The following EEF2K variants were observed in gnomAD, a reference collection of about 807,000 sequenced individuals.
EEF2K encodes alternative protein EEF2K.
In EEF2K, 70 loss-of-function variants were observed where a neutral mutation model predicts 93.8. The observed-to-expected ratio is 0.75, with a 90% CI of 0.62 to 0.91. The LOEUF (loss-of-function observed/expected upper bound fraction) is 0.91. Ranked by LOEUF, EEF2K falls within the 40% of genes least tolerant of loss-of-function variation. The probability of loss-of-function intolerance (pLI) is 0.00; values close to 1 mark genes in which losing one functional copy is unlikely to be tolerated. For synonymous variants in EEF2K, 376 were observed against 380.8 expected, an observed-to-expected ratio of 0.99 and a Z score of 0.15; for missense variants, 935 against 972.9, an observed-to-expected ratio of 0.96 and a Z score of 0.52.
chr16:22,257,509 G>A, intron 8 of EEF2K, 124 bp downstream of exon 8: 2 of 1,545,746 alleles, frequency 1.3e-6, no homozygotes, highest in African/African-American at 1.4e-5. Context: ...TCATGGAGAT[G>A]GGAGCCTGGA....
chr16:22,247,037 C>CAAAAAAAAAAAA (rs57073413), intron 3 of EEF2K, among the ~76,000 whole-genome samples: 3 of 13,700 alleles, frequency 2.2e-4, no homozygotes, highest in Non-Finnish European at 5.0e-4. Context: ...GACTCCATCT[C>CAAAAAAAAAAAA]AAAAAAAAAA....
Position 22,283,972 on chromosome 16 carries a change from G to C in EEF2K, c.2154G>C (p.Glu718Asp), listed in dbSNP as rs1274059104. Residue 718 changes from glutamate to aspartate, a missense_variant, in exon 18 of 18, where the codon GAG (glutamate) becomes GAC (aspartate). Coordinates refer to ENST00000263026, the MANE Select transcript of EEF2K (RefSeq NM_013302.5). Reference sequence around the variant, plus strand: ...ACCAGTACTACCAAAAGGCTGAAGAGGCCTGGGCCCAGATGGAGGAGTAAC... The same window carrying C: ...ACCAGTACTACCAAAAGGCTGAAGACGCCTGGGCCCAGATGGAGGAGTAAC... ...LANQYYQKAE[E>D]AWAQMEE is the part of the protein sequence containing the mutation. 4 of 1,586,880 alleles carry C rather than the reference G, an allele frequency of 2.5e-6. No individual in the cohort carries two copies. The South Asian group carries it at 4.6e-5, about 18-fold the overall frequency.
chr16:22,273,780 G>A, intron 16 of EEF2K, 30 bp downstream of exon 16: 7 of 1,609,286 alleles, frequency 4.3e-6, no homozygotes, highest in South Asian at 2.2e-5. Flanking sequence ...GGAGGAGCTG[G>A]TAGGAACCTG....
intron 9 of EEF2K, 65 bp from the exon 10 acceptor site, chr16:22,258,429 A>G (rs1043099277): frequency 6.4e-7 from 1 of 1,552,706 alleles, no homozygotes; most frequent in African/African-American, 1.4e-5. Flanking sequence ...AGGGAACAAC[A>G]GGAAGAGCCC....
Position 22,282,190 on chromosome 16 carries a change from C to T in EEF2K, c.2069-1697C>T, listed in dbSNP as rs146655570. Among the ~76,000 whole-genome samples the T allele has an allele frequency of 3.3e-5, 5 of 152,180 alleles. No homozygotes were observed. In the East Asian group the frequency reaches 7.7e-4, roughly 23 times the overall value. On this transcript the variant is annotated intron_variant, in intron 17 of 17. Transcript: ENST00000263026. ...TTCAGCCTGGGCAACAGAGTGAGAC[C>T]CTGTCTCAAAAAACAACAAAAAAAA...
intron 6 of EEF2K, among the ~76,000 whole-genome samples, chr16:22,253,017 C>T (rs1467832169): frequency 6.6e-6 from 1 of 152,144 alleles, no homozygotes; most frequent in Admixed American, 6.5e-5. Context: ...GGGACACAGC[C>T]AAACCATATC....
At chr16:22,217,160 C>CAAA (rs59262131) in intron 1 of EEF2K, among the ~76,000 whole-genome samples, 22 of 76,426 alleles carry the variant, frequency 2.9e-4, no homozygotes, top group Non-Finnish European at 5.0e-4. Context: ...GACCCTGTCT[C>CAAA]AAAAAAAAAA....
Position 22,250,774 on chromosome 16 carries a change from C to T in EEF2K, c.446+83C>T, listed in dbSNP as rs143796573. On this transcript the variant is annotated intron_variant, in intron 5 of 17. Coordinates refer to ENST00000263026, the MANE Select transcript of EEF2K (RefSeq NM_013302.5). The stretch of plus-strand genomic sequence containing the variant: ...AGCTGAGGCATTGGGACATTTTCAG[C>T]CAAGGAATGGAGCCAGGGGCCTCTG... 4.6e-3 allele frequency: 7,198 copies of T among 1,577,682 alleles called. 27 individuals are homozygous for T. The highest frequency in any genetic ancestry group is 5.2e-3 in the Non-Finnish European group (6,019 of 1,152,054).
intron 1 of EEF2K, among the ~76,000 whole-genome samples, chr16:22,223,107 A>G (rs2047029989): frequency 6.6e-6 from 1 of 152,114 alleles, no homozygotes; most frequent in African/African-American, 2.4e-5. Context: ...TATACAGAGA[A>G]TTAGTCAATG....
intron 16 of EEF2K, 21 bp downstream of exon 16, chr16:22,273,771 G>A: frequency 6.2e-7 from 1 of 1,611,316 alleles, no homozygotes; most frequent in East Asian, 2.2e-5. Context: ...TGTCACCCAG[G>A]AGGAGCTGGT....
intron 12 of EEF2K, among the ~76,000 whole-genome samples, chr16:22,263,628 G>A (rs1430738197): frequency 2.0e-5 from 3 of 152,108 alleles, no homozygotes; most frequent in Non-Finnish European, 2.9e-5. Flanking sequence ...AAAATAAAGA[G>A]TATTTCAGAT....
chr16:22,266,924 C>T, intron 15 of EEF2K, 48 bp downstream of exon 15: 2 of 1,559,860 alleles, frequency 1.3e-6, no homozygotes, highest in Admixed American at 3.6e-5. Flanking sequence ...GGGACTTGGT[C>T]ACCCTGTGGT....
At chr16:22,261,917 A>G (rs2047467885) in intron 11 of EEF2K, among the ~76,000 whole-genome samples, 1 of 151,078 alleles carries the variant, frequency 6.6e-6, no homozygotes, top group Non-Finnish European at 1.5e-5. Flanking sequence ...AGGCAAGAGA[A>G]TTGCTTGAAC....
At chr16:22,224,243 T>G (rs2047041272) in intron 1 of EEF2K, among the ~76,000 whole-genome samples, 1 of 152,178 alleles carries the variant, frequency 6.6e-6, no homozygotes, top group African/African-American at 2.4e-5. Flanking sequence ...CACTCCTTCA[T>G]TCTGGGAAAG....
At chr16:22,266,365 T>A in intron 13 of EEF2K, 25 bp from the exon 14 acceptor site, 5 of 1,606,092 alleles carry the variant, frequency 3.1e-6, no homozygotes, top group Non-Finnish European at 4.3e-6. Flanking sequence ...GCCCCTCGCT[T>A]CCCTGGCCGG....
intron 1 of EEF2K, among the ~76,000 whole-genome samples, chr16:22,210,135 C>T (rs1209049652): frequency 1.3e-5 from 2 of 152,178 alleles, no homozygotes; most frequent in Admixed American, 6.6e-5. Context: ...GTCACTAACA[C>T]GCTGATGATA....
chr16:22,210,110 CAAAG>C (rs1244904179), intron 1 of EEF2K, among the ~76,000 whole-genome samples: 1 of 152,126 alleles, frequency 6.6e-6, no homozygotes, highest in Admixed American at 6.6e-5. Flanking sequence ...AGGCTTCAGA[CAAAG>C]GAAGGAGTGA....
In EEF2K at chr16:22,280,286, C is replaced by T. The variant is rs1260204613; in HGVS notation, c.1978C>T (p.Gln660Ter). The change falls in exon 17 of 18, where the codon CAG becomes TAG. Residue 660 changes from glutamine to a stop codon, truncating the protein, a stop_gained. Coordinates refer to ENST00000263026, the MANE Select transcript of EEF2K (RefSeq NM_013302.5). LOFTEE classifies it high-confidence loss of function. ...TGAGGGCGGTGAGTACGACGGAATGCAGGACGAGCCCCGGTACATGATGCT... is the reference window on the plus strand; with the variant it reads ...TGAGGGCGGTGAGTACGACGGAATGTAGGACGAGCCCCGGTACATGATGCT... ...CDEGGEYDGM[Q>*]DEPRYMMLAR... The T allele has an allele frequency of 1.2e-6, 2 of 1,609,260 alleles. No homozygotes were observed. Among genetic ancestry groups the T allele is most frequent in the Non-Finnish European group, 1.7e-6 (2 of 1,177,916 alleles).
chr16:22,247,376 A>G (rs979637960), intron 3 of EEF2K, among the ~76,000 whole-genome samples: 7 of 151,780 alleles, frequency 4.6e-5, no homozygotes, highest in Non-Finnish European at 1.0e-4. Context: ...TGAACCCAAG[A>G]AGCGGAGGTT....
Sources: gnomAD v4.1 joint callset for allele counts (sites outside exome capture counted in the v4.1 genomes callset) on GRCh38, gnomAD v4.1.1 for gene constraint, MANE v1.5 for transcripts, NCBI Gene and HGNC (gene_info 2026-07-23, HGNC 2026-07-21) for gene names.